The following SOX5 variants were observed in gnomAD, a reference collection of about 807,000 sequenced individuals.
The protein encoded by SOX5 is transcription factor SOX-5.
In SOX5, 9 loss-of-function variants were observed where a neutral mutation model predicts 92.0. The observed-to-expected ratio is 0.10, with a 90% CI of 0.06 to 0.17. The LOEUF (loss-of-function observed/expected upper bound fraction) is 0.17, where lower values mean the gene tolerates loss of function less well. Ranked by LOEUF, SOX5 falls within the 10% of genes least tolerant of loss-of-function variation. SOX5 has a pLI of 1.00. For missense variants in SOX5, 642 were observed against 944.5 expected, an observed-to-expected ratio of 0.68 and a Z score of 4.20; for synonymous variants, 344 against 336.3, an observed-to-expected ratio of 1.02 and a Z score of -0.25.
At chr12:24,334,731 C>T (rs1037373333) in intron 2 of SOX5, among the ~76,000 whole-genome samples, 1 of 152,058 alleles carries the variant, frequency 6.6e-6, no homozygotes, top group Non-Finnish European at 1.5e-5. Flanking sequence ...TAGAAATTGC[C>T]TAAGTGCTCA....
At chr12:23,723,655 G>C (rs901196291) in intron 6 of SOX5, among the ~76,000 whole-genome samples, 2 of 148,526 alleles carry the variant, frequency 1.3e-5, no homozygotes, top group East Asian at 2.0e-4. Context: ...AAACAGAGAA[G>C]ATAAAAGAAA....
chr12:24,407,774 G>A (rs1037126642), intron 1 of SOX5, among the ~76,000 whole-genome samples: 3 of 152,172 alleles, frequency 2.0e-5, no homozygotes, highest in African/African-American at 7.2e-5. Flanking sequence ...CAGAAGGAAT[G>A]GAAATAGAGT....
intron 3 of SOX5, among the ~76,000 whole-genome samples, chr12:23,829,282 T>C (rs1421525488): frequency 2.0e-5 from 3 of 152,158 alleles, no homozygotes; most frequent in African/African-American, 7.2e-5. Flanking sequence ...CAAGGGTAAC[T>C]GAGTGAAAAA....
At chr12:23,747,305 C>T (rs1222254426) in intron 4 of SOX5, among the ~76,000 whole-genome samples, 6 of 152,118 alleles carry the variant, frequency 3.9e-5, no homozygotes, top group Non-Finnish European at 7.4e-5. Flanking sequence ...GCTTTCTAGT[C>T]ATTGTCTCTA....
At chr12:23,992,584 G>A (rs1414321092) in intron 4 of SOX5, among the ~76,000 whole-genome samples, 8 of 151,568 alleles carry the variant, frequency 5.3e-5, no homozygotes, top group Non-Finnish European at 1.0e-4. Context: ...ATGAGTTCTC[G>A]CTCTCTGTTC....
intron 2 of SOX5, among the ~76,000 whole-genome samples, chr12:24,303,174 T>C (rs1441116074): frequency 6.6e-6 from 1 of 152,204 alleles, no homozygotes; most frequent in Non-Finnish European, 1.5e-5. Context: ...AGGCTCTATA[T>C]TTGTAGGTGA....
At chr12:24,001,293 T>C (rs78047629) in intron 4 of SOX5, among the ~76,000 whole-genome samples, 21,314 of 152,022 alleles carry the variant, frequency 0.14, 1,891 homozygotes, top group Non-Finnish European at 0.2. Context: ...GGTCTCACTA[T>C]GTTGGCCAGG....
upstream of SOX5, among the ~76,000 whole-genome samples, chr12:23,955,796 G>GGAT (rs1946221742): frequency 1.3e-5 from 2 of 151,882 alleles, no homozygotes; most frequent in South Asian, 4.2e-4. Context: ...CATTCAAGTG[G>GGAT]GATCATACAA....
intron 2 of SOX5, among the ~76,000 whole-genome samples, chr12:24,320,792 G>A (rs1266347537): frequency 1.3e-5 from 2 of 151,688 alleles, no homozygotes; most frequent in Non-Finnish European, 2.9e-5. Flanking sequence ...GTGAACCTGG[G>A]AGGCGGAGCT....
intron 1 of SOX5, among the ~76,000 whole-genome samples, chr12:24,487,770 G>A (rs1387106486): frequency 2.0e-5 from 3 of 152,142 alleles, no homozygotes; most frequent in African/African-American, 7.2e-5. Context: ...CACAACTTCT[G>A]CCTGTTTTAC....
At chr12:24,077,772 C>T (rs1343101273) in intron 4 of SOX5, among the ~76,000 whole-genome samples, 3 of 116,928 alleles carry the variant, frequency 2.6e-5, no homozygotes, top group Admixed American at 8.8e-5. Context: ...AAGGTATTTT[C>T]ATATATATAT....
intron 2 of SOX5, among the ~76,000 whole-genome samples, chr12:24,360,481 G>A (rs1259090808): frequency 6.6e-6 from 1 of 152,148 alleles, no homozygotes; most frequent in East Asian, 1.9e-4. Flanking sequence ...GAGGGATCAT[G>A]GCACTAGGTA....
intron 1 of SOX5, among the ~76,000 whole-genome samples, chr12:24,408,410 G>A (rs749562104): frequency 7.9e-5 from 12 of 152,096 alleles, no homozygotes; most frequent in South Asian, 2.1e-4. Context: ...TTCCCTCATC[G>A]GTAACAGCTT....
chr12:23,938,235 A>G (rs932029686), intron 1 of SOX5, among the ~76,000 whole-genome samples: 1 of 151,074 alleles, frequency 6.6e-6, no homozygotes, highest in Non-Finnish European at 1.5e-5. Flanking sequence ...ATCAAAAATA[A>G]GGGTTCTGTT....
chr12:23,577,753 T>C (rs755424795), intron 9 of SOX5, among the ~76,000 whole-genome samples: 13 of 152,120 alleles, frequency 8.5e-5, no homozygotes, highest in South Asian at 4.1e-4. Context: ...TCATAAGATC[T>C]TGACAGGAAG....
rs528365782 is a variant in SOX5, at chr12:23,882,918, A to G, written c.270+12875T>C. ...AATGATAGGGCGGGCGTGGTGGCTC[A>G]CGTCTGTAATCCCAGCATTTTGGAA... is the stretch of plus-strand genomic sequence containing the variant. On this transcript the variant is annotated intron_variant, in intron 2 of 14. Coordinates refer to ENST00000451604, the MANE Select transcript of SOX5 (RefSeq NM_006940.6). Among the ~76,000 whole-genome samples, 123 of 152,254 alleles carry G rather than the reference A, an allele frequency of 8.1e-4. 1 individual carries two copies. The highest frequency in any genetic ancestry group is 1.5e-3 in the Non-Finnish European group (100 of 68,024).
intron 2 of SOX5, among the ~76,000 whole-genome samples, chr12:24,303,474 T>C (rs549281661): frequency 6.6e-6 from 1 of 152,324 alleles, no homozygotes; most frequent in East Asian, 1.9e-4. Context: ...AGGTGCTCTA[T>C]TTATATAGCA....
intron 1 of SOX5, among the ~76,000 whole-genome samples, chr12:24,469,074 G>C (rs1944519071): frequency 6.6e-6 from 1 of 152,148 alleles, no homozygotes; most frequent in Non-Finnish European, 1.5e-5. Context: ...ATCAGTGGGA[G>C]CTCTGATCTT....
chr12:23,799,764 C>T (rs1045943832), intron 3 of SOX5, among the ~76,000 whole-genome samples: 2 of 151,908 alleles, frequency 1.3e-5, no homozygotes, highest in Non-Finnish European at 2.9e-5. Flanking sequence ...AATAAAATTA[C>T]AGACAGTGTC....
Sources: allele counts gnomAD v4.1 joint callset (sites outside exome capture counted in the v4.1 genomes callset), GRCh38; gene constraint gnomAD v4.1.1; transcripts MANE v1.5; gene names NCBI Gene and HGNC (gene_info 2026-07-23, HGNC 2026-07-21).